The following TMEM91 variants were observed in gnomAD, a reference collection of about 807,000 sequenced individuals.
The protein encoded by TMEM91 is transmembrane protein 91, also known as dispanin subfamily C member 3.
TMEM91 carries 6 observed loss-of-function variants against 13.3 expected under a neutral mutation model. The observed-to-expected ratio is 0.45, with a 90% CI of 0.25 to 0.89. TMEM91 has a LOEUF of 0.89. TMEM91 is among the 40% of genes least tolerant of loss of function. The probability of loss-of-function intolerance (pLI) is 0.19; values close to 1 mark genes in which losing one functional copy is unlikely to be tolerated. For synonymous variants in TMEM91, 87 were observed against 101.7 expected, an observed-to-expected ratio of 0.86 and a Z score of 0.87; for missense variants, 193 against 228.7, an observed-to-expected ratio of 0.84 and a Z score of 1.01.
At chr19:41,373,085 T>G (rs926470145), upstream of TMEM91, among the ~76,000 whole-genome samples, 1 of 152,090 alleles carries the variant, frequency 6.6e-6, no homozygotes, top group Non-Finnish European at 1.5e-5. Flanking sequence ...ACCACAGACA[T>G]GCATCACCAC....
intron 2 of TMEM91, among the ~76,000 whole-genome samples, chr19:41,379,747 T>C (rs1162690951): frequency 1.3e-5 from 2 of 152,024 alleles, no homozygotes; most frequent in Admixed American, 1.3e-4. Flanking sequence ...TTACGGTTTC[T>C]GTTGGTCAGG....
chr19:41,381,735 C>T (rs188958769), intron 2 of TMEM91, among the ~76,000 whole-genome samples: 2 of 151,336 alleles, frequency 1.3e-5, no homozygotes, highest in African/African-American at 2.4e-5. Context: ...TGGTCTCAAA[C>T]TCCTGGCTTC....
chr19:41,379,710 C>A (rs1233571976), intron 2 of TMEM91, among the ~76,000 whole-genome samples: 2 of 151,846 alleles, frequency 1.3e-5, no homozygotes, highest in Non-Finnish European at 2.9e-5. Context: ...GAAAGGAAGG[C>A]AGGCAGGCAA....
upstream of TMEM91, chr19:41,376,317 A>G (rs1248217555): frequency 1.3e-5 from 2 of 152,226 alleles, no homozygotes; most frequent in African/African-American, 4.8e-5. Context: ...TCGGCTTGCC[A>G]GTTTCCTCCC....
intron 1 of TMEM91, among the ~76,000 whole-genome samples, chr19:41,370,005 C>T (rs1184590584): frequency 6.6e-6 from 1 of 152,152 alleles, no homozygotes; most frequent in Non-Finnish European, 1.5e-5. Context: ...AAACAACTCC[C>T]CTATTCCCCC....
chr19:41,371,262 A>G (rs1045270570), intron 1 of TMEM91, among the ~76,000 whole-genome samples: 4 of 151,374 alleles, frequency 2.6e-5, no homozygotes, highest in African/African-American at 9.7e-5. Context: ...TTGGCCTCCC[A>G]AAGTACTGGG....
intron 1 of TMEM91, among the ~76,000 whole-genome samples, chr19:41,367,585 C>T (rs200101555): frequency 6.6e-6 from 1 of 152,158 alleles, no homozygotes; most frequent in Non-Finnish European, 1.5e-5. Context: ...GATCTGAGAT[C>T]GTGCCATTGC....
At chr19:41,364,583 G>C (rs1300542253) in intron 1 of TMEM91, among the ~76,000 whole-genome samples, 4 of 152,004 alleles carry the variant, frequency 2.6e-5, no homozygotes, top group Non-Finnish European at 5.9e-5. Context: ...GAGTGGAGAA[G>C]TTGGGGAGTG....
In TMEM91 at chr19:41,368,273, A is replaced by G. The variant is rs1045468321; in HGVS notation, c.-30+4178A>G. Among the ~76,000 whole-genome samples, 3 of 151,870 alleles carry G rather than the reference A, an allele frequency of 2.0e-5. No individual in the cohort carries two copies. In the South Asian group the frequency reaches 6.2e-4, roughly 32 times the overall value. ...CGAAAACGTTTAAAAAAAAAATAGCAGGGCATGGTGACACATGTCTGCAGT... is the reference window on the plus strand; with the variant it reads ...CGAAAACGTTTAAAAAAAAAATAGCGGGGCATGGTGACACATGTCTGCAGT... On this transcript the variant is annotated intron_variant, in intron 1 of 3. Transcript: ENST00000413014.
At chr19:41,375,929 C>A (rs576055638), upstream of TMEM91, among the ~76,000 whole-genome samples, 5 of 152,052 alleles carry the variant, frequency 3.3e-5, no homozygotes, top group Admixed American at 3.3e-4. Flanking sequence ...CAAGACCAAC[C>A]TGACCAACAC....
Position 41,376,733 on chromosome 19 carries a change from G to A in TMEM91, c.-151G>A, listed in dbSNP as rs1374093770. 1 of 152,344 alleles carries A rather than the reference G, an allele frequency of 6.6e-6. No homozygotes were observed. The highest frequency in any genetic ancestry group is 2.4e-5 in the African/African-American group (1 of 41,580). The allele number at this position is 152,344 out of a possible 1,614,324, so 9.4% of individuals were successfully genotyped here. Reference sequence around the variant, plus strand: ...CCCCGCCCCCGCGCGCAGCGGGCCCGGGGCGCTGAGACCCGCGTAGAGCAA... The same window carrying A: ...CCCCGCCCCCGCGCGCAGCGGGCCCAGGGCGCTGAGACCCGCGTAGAGCAA... On this transcript the variant is annotated 5_prime_UTR_variant, in exon 1 of 4. Coordinates refer to ENST00000392002, the MANE Select transcript of TMEM91 (RefSeq NM_001098821.2).
upstream of TMEM91, among the ~76,000 whole-genome samples, chr19:41,375,826 A>AT (rs1406198065): frequency 6.9e-6 from 1 of 145,758 alleles, no homozygotes; most frequent in Non-Finnish European, 1.5e-5. Flanking sequence ...AAAAATAATA[A>AT]TAAAAAAAAA....
At chr19:41,368,789 G>A (rs2038568971) in intron 1 of TMEM91, among the ~76,000 whole-genome samples, 1 of 150,876 alleles carries the variant, frequency 6.6e-6, no homozygotes, top group African/African-American at 2.4e-5. Flanking sequence ...CTTCCCTTCA[G>A]TATGGCTAGT....
chr19:41,378,132 C>G, intron 1 of TMEM91, 149 bp from the exon 2 acceptor site: 1 of 585,074 alleles, frequency 1.7e-6, no homozygotes. Flanking sequence ...ATCTTTTTTT[C>G]TCTCTGGGCC....
Position 41,383,973 on chromosome 19 carries a change from A to AG in TMEM91, c.*102dup. ...TGGTGGATGAGGCTGCGGCGGCGGC[A>AG]GGAGCATCTAGAAACGGGAGCGAGC... On this transcript the variant is annotated 3_prime_UTR_variant, in exon 4 of 4. Transcript: ENST00000392002. 1 of 1,510,378 alleles carries AG rather than the reference A, an allele frequency of 6.6e-7. No homozygotes were observed. The highest frequency in any genetic ancestry group is 8.8e-7 in the Non-Finnish European group (1 of 1,135,298). The allele number at this position is 1,510,378 out of a possible 1,614,324, so 93.6% of individuals were successfully genotyped here. A position where few individuals can be genotyped will look rare whatever the true frequency, so the allele number is the denominator to read the frequency against.
At chr19:41,365,425 G>A (rs965053806) in intron 1 of TMEM91, among the ~76,000 whole-genome samples, 2 of 152,082 alleles carry the variant, frequency 1.3e-5, no homozygotes, top group African/African-American at 4.8e-5. Flanking sequence ...TACTTTTTGA[G>A]ATGGCGTCTC....
At chr19:41,371,367 T>G (rs1483301318) in intron 1 of TMEM91, among the ~76,000 whole-genome samples, 2 of 134,630 alleles carry the variant, frequency 1.5e-5, no homozygotes, top group Non-Finnish European at 3.2e-5. Context: ...CCTTCCTTCC[T>G]TCTTTCCTTC....
At chr19:41,379,605 AAG>A (rs201945621) in intron 2 of TMEM91, among the ~76,000 whole-genome samples, 18 of 151,028 alleles carry the variant, frequency 1.2e-4, no homozygotes, top group Non-Finnish European at 2.4e-4. Context: ...AAAGAAAGAA[AAG>A]AGAGAGAGAA....
chr19:41,378,810 T>G (rs1183658650), intron 2 of TMEM91, among the ~76,000 whole-genome samples: 1 of 148,088 alleles, frequency 6.8e-6, no homozygotes, highest in Non-Finnish European at 1.5e-5. Flanking sequence ...GTCTCCCTCT[T>G]TGTGTGTGTG....
Sources: allele counts gnomAD v4.1 joint callset (sites outside exome capture counted in the v4.1 genomes callset), GRCh38; gene constraint gnomAD v4.1.1; transcripts MANE v1.5; gene names NCBI Gene and HGNC (gene_info 2026-07-23, HGNC 2026-07-21).